CLECL1: variants seen among roughly 807,000 people sequenced by gnomAD.
CLECL1 encodes C-type lectin like 1, also known as C-type lectin-like domain family 1.
At chr12:9,716,136 C>T (rs1866237378) in exon 3 of CLECL1, 1 of 152,510 alleles carries the variant, frequency 6.6e-6, no homozygotes, top group Non-Finnish European at 1.5e-5. Flanking sequence ...CCCCACATCT[C>T]CTTTCTGGCT....
chr12:9,719,635 G>T (rs1866284874), downstream of CLECL1, among the ~76,000 whole-genome samples: 1 of 152,206 alleles, frequency 6.6e-6, no homozygotes, highest in Admixed American at 6.5e-5. Context: ...CCTTCTGGAG[G>T]CTGGAGGGGT....
At chr12:9,715,278 A>C (rs992776136), downstream of CLECL1, among the ~76,000 whole-genome samples, 3 of 152,222 alleles carry the variant, frequency 2.0e-5, no homozygotes, top group Admixed American at 6.5e-5. Context: ...TTTACTATTA[A>C]TAGCAGCACA....
the CLECL1 span, among the ~76,000 whole-genome samples, chr12:9,703,747 T>C: frequency 6.6e-6 from 1 of 152,148 alleles, no homozygotes; most frequent in African/African-American, 2.4e-5. Context: ...TATATATATA[T>C]GTATACATAT....
the CLECL1 span, among the ~76,000 whole-genome samples, chr12:9,705,932 A>G: frequency 6.6e-6 from 1 of 151,662 alleles, no homozygotes; most frequent in African/African-American, 2.4e-5. Context: ...TAAAATAGGT[A>G]TTTTTCTATT....
downstream of CLECL1, among the ~76,000 whole-genome samples, chr12:9,713,147 G>A (rs755083654): frequency 8.5e-5 from 13 of 152,336 alleles, no homozygotes; most frequent in Non-Finnish European, 1.6e-4. Context: ...GGGACTGCAT[G>A]CACCGGTGGT....
At chr12:9,730,132 G>A (rs373582442) in intron 1 of CLECL1, among the ~76,000 whole-genome samples, 28 of 152,030 alleles carry the variant, frequency 1.8e-4, no homozygotes, top group Admixed American at 4.6e-4. Context: ...TTATTTTAAC[G>A]CAATACCCAC....
chr12:9,732,422 T>C (rs1185019378), intron 1 of CLECL1, among the ~76,000 whole-genome samples: 1 of 152,222 alleles, frequency 6.6e-6, no homozygotes, highest in Non-Finnish European at 1.5e-5. Flanking sequence ...GCTTATCGCC[T>C]CTGATTCCAG....
chr12:9,716,148 A>G (rs908574878), exon 3 of CLECL1: 1 of 151,762 alleles, frequency 6.6e-6, no homozygotes, highest in Non-Finnish European at 1.5e-5. Context: ...TTTCTGGCTC[A>G]CTCTCACCAC....
chr12:9,731,686 A>G (rs1216497749), intron 1 of CLECL1, among the ~76,000 whole-genome samples: 1 of 152,226 alleles, frequency 6.6e-6, no homozygotes, highest in Admixed American at 6.5e-5. Flanking sequence ...AGGTAATTTA[A>G]TCTTCATATA....
At chr12:9,703,542 G>T in the CLECL1 span, among the ~76,000 whole-genome samples, 2 of 152,064 alleles carry the variant, frequency 1.3e-5, no homozygotes, top group African/African-American at 4.8e-5. Flanking sequence ...CCACAGGCAT[G>T]TGCCATTATA....
intron 3 of CLECL1, among the ~76,000 whole-genome samples, chr12:9,724,220 G>C (rs1402257483): frequency 6.7e-6 from 1 of 149,076 alleles, no homozygotes; most frequent in Non-Finnish European, 1.5e-5. Context: ...GAAAAAAAAA[G>C]AAAGGAAAAT....
At chr12:9,718,916 C>T (rs1591715591), downstream of CLECL1, 1 of 576,900 alleles carries the variant, frequency 1.7e-6, no homozygotes, top group South Asian at 2.3e-5. Flanking sequence ...ACAGCCCTAG[C>T]ATATTAATAC....
At chr12:9,722,247 A>T (rs1354602941), downstream of CLECL1, among the ~76,000 whole-genome samples, 1 of 152,216 alleles carries the variant, frequency 6.6e-6, no homozygotes, top group Non-Finnish European at 1.5e-5. Flanking sequence ...AAATCTAAGT[A>T]AGAGATACTG....
chr12:9,723,574 AT>A (rs949439918), intron 3 of CLECL1, among the ~76,000 whole-genome samples: 8 of 152,126 alleles, frequency 5.3e-5, no homozygotes, highest in African/African-American at 1.9e-4. Context: ...CATTTTTACA[AT>A]TGTTAGCCTT....
At chr12:9,704,830 A>T in the CLECL1 span, among the ~76,000 whole-genome samples, 1 of 152,014 alleles carries the variant, frequency 6.6e-6, no homozygotes, top group Non-Finnish European at 1.5e-5. Flanking sequence ...ATTTAGGTTG[A>T]TTTTGTGTCT....
rs761257401 is a variant in CLECL1 at position 9,730,041 on chromosome 12, T to C, written n.83-365A>G. The stretch of plus-strand genomic sequence containing the variant: ...AGCTGATCTTTTCTGTTTCTCCTCT[T>C]ATATAATGTATCCATTTCCTGTGAT... On this transcript the variant is annotated intron_variant and non_coding_transcript_variant, in intron 1 of 3. Transcript: ENST00000621400. Among the ~76,000 whole-genome samples, 5 of 152,322 alleles carry C rather than the reference T, an allele frequency of 3.3e-5. No individual in the cohort carries two copies. In the South Asian group the frequency reaches 1.0e-3, roughly 32 times the overall value.
chr12:9,705,998 A>G, the CLECL1 span, among the ~76,000 whole-genome samples: 3 of 152,128 alleles, frequency 2.0e-5, no homozygotes, highest in African/African-American at 7.2e-5. Context: ...GATTCTTCCT[A>G]TGCATAAGCA....
the CLECL1 span, among the ~76,000 whole-genome samples, chr12:9,710,511 C>G: frequency 1.3e-5 from 2 of 152,146 alleles, no homozygotes; most frequent in Admixed American, 6.5e-5. Context: ...CTAGTCCTGG[C>G]TAGGGCTCCA....
downstream of CLECL1, among the ~76,000 whole-genome samples, chr12:9,712,016 C>T (rs1021571153): frequency 3.5e-4 from 53 of 152,076 alleles, no homozygotes; most frequent in African/African-American, 1.2e-3. Flanking sequence ...ATTACCTATC[C>T]AATACATCTA....
Sources: gnomAD v4.1 joint callset for allele counts (sites outside exome capture counted in the v4.1 genomes callset) on GRCh38, gnomAD v4.1.1 for gene constraint, MANE v1.5 for transcripts, NCBI Gene and HGNC (gene_info 2026-07-23, HGNC 2026-07-21) for gene names.